CACNB4: variants seen among roughly 807,000 people sequenced by gnomAD.
The protein encoded by CACNB4 is calcium voltage-gated channel auxiliary subunit beta 4.
In CACNB4, 32 loss-of-function variants were observed where a neutral mutation model predicts 71.2. The ratio of observed to expected loss-of-function variants is 0.45; its 90% CI spans 0.34 to 0.60. The LOEUF (loss-of-function observed/expected upper bound fraction) is 0.60, where lower values mean the gene tolerates loss of function less well. Among genes scored for constraint, CACNB4 ranks in the 20% least tolerant of loss-of-function variants. The probability of loss-of-function intolerance (pLI) is 0.01; values close to 1 mark genes in which losing one functional copy is unlikely to be tolerated. For synonymous variants in CACNB4, 231 were observed against 236.9 expected (o/e 0.97, Z 0.23); for missense variants, 464 against 647.9 (o/e 0.72, Z 3.08).
Position 151,973,815 on chromosome 2 carries a change from C to T in CACNB4, c.148-90445G>A, listed in dbSNP as rs181922008. 8.3e-5 allele frequency: 126 copies of T among 1,525,086 alleles called. No individual in the cohort carries two copies. In the East Asian group the frequency reaches 2.6e-3, roughly 31 times the overall value. The allele number at this position is 1,525,086 out of a possible 1,614,324, so 94.5% of individuals were successfully genotyped here. A position where few individuals can be genotyped will look rare whatever the true frequency, so the allele number is the denominator to read the frequency against. On this transcript the variant is annotated intron_variant, in intron 2 of 13. Coordinates refer to ENST00000539935, the MANE Select transcript of CACNB4 (RefSeq NM_000726.5). ...AGAAAAGGCCTGTTTGGGAGAACTG[C>T]GCCTGCCTTATCAATTCCTGTGGAT... is the stretch of plus-strand genomic sequence containing the variant.
Position 152,098,579 on chromosome 2 carries a change from C to CCCCCCCCACCA in CACNB4, c.64-167_64-166insTGGTGGGGGGG. Reference sequence around the variant, plus strand: ...CCCAAATACAGCCCCCACCCCCACCCACCCACTGCAAGCCTCGACTGCTGA... The same window carrying CCCCCCCCACCA: ...CCCAAATACAGCCCCCACCCCCACCCCCCCCCCACCAACCCACTGCAAGCCTCGACTGCTGA... On this transcript the variant is annotated intron_variant, in intron 1 of 13. Coordinates refer to ENST00000539935, the MANE Select transcript of CACNB4 (RefSeq NM_000726.5). The surrounding 1 kb of genome is among the most constrained non-coding windows in gnomAD (Gnocchi z 5.3). 1.1e-6 allele frequency: 1 copy of CCCCCCCCACCA among 943,714 alleles called. No homozygotes were observed. The highest frequency in any genetic ancestry group is 1.7e-6 in the Non-Finnish European group (1 of 591,326). The allele number at this position is 943,714 out of a possible 1,614,324, so 58.5% of individuals were successfully genotyped here.
chr2:151,892,268 T>C (rs540880831), intron 2 of CACNB4, among the ~76,000 whole-genome samples: 10 of 152,122 alleles, frequency 6.6e-5, no homozygotes, highest in South Asian at 2.1e-4. Context: ...TACTTTTACA[T>C]TGTGGTCTGT....
At position 152,098,939 on chromosome 2, in the gene CACNB4, G is replaced by C; in HGVS notation, c.63+10C>G. ...GGAGGAAGAGGAGAAGGGGGAGGAG[G>C]GGGCGGTACCTGCGAGGTGGGGGAG... On this transcript the variant is annotated intron_variant, in intron 1 of 13. Transcript: ENST00000539935. The surrounding 1 kb of genome is among the most constrained non-coding windows in gnomAD (Gnocchi z 5.3). 11 of 1,470,328 alleles carry C rather than the reference G, an allele frequency of 7.5e-6. No homozygotes were observed. The highest frequency in any genetic ancestry group is 1.0e-5 in the Non-Finnish European group (11 of 1,098,676). 91.1% of individuals were successfully genotyped at this position (1,470,328 alleles called of 1,614,324 possible).
intron 2 of CACNB4, chr2:151,963,007 A>C (rs975648209): frequency 6.6e-6 from 1 of 152,136 alleles, no homozygotes; most frequent in African/African-American, 2.4e-5. Context: ...TCCTAAAAAG[A>C]ATATTGCTCT....
At chr2:151,958,003 A>G (rs1483464498) in intron 2 of CACNB4, among the ~76,000 whole-genome samples, 1 of 152,202 alleles carries the variant, frequency 6.6e-6, no homozygotes, top group Admixed American at 6.5e-5. Flanking sequence ...TTATTGTGGA[A>G]TGCTAACAGA....
intron 2 of CACNB4, among the ~76,000 whole-genome samples, chr2:152,086,646 T>G (rs544456061): frequency 1.3e-5 from 2 of 152,376 alleles, no homozygotes; most frequent in African/African-American, 4.8e-5. Flanking sequence ...CATTTTGAAT[T>G]GTAAGTACCC....
At chr2:152,002,103 T>A (rs1037575924) in intron 2 of CACNB4, among the ~76,000 whole-genome samples, 1 of 152,228 alleles carries the variant, frequency 6.6e-6, no homozygotes, top group Admixed American at 6.5e-5. Flanking sequence ...TGATCATGGA[T>A]ATGAACAGCA....
At chr2:152,097,226 G>A (rs557536296) in intron 2 of CACNB4, among the ~76,000 whole-genome samples, 1 of 152,062 alleles carries the variant, frequency 6.6e-6, no homozygotes, top group African/African-American at 2.4e-5. Flanking sequence ...TTTTAGGAGA[G>A]GTCTGAGTTC....
At chr2:152,011,259 A>G (rs1200375462) in intron 2 of CACNB4, among the ~76,000 whole-genome samples, 2 of 152,182 alleles carry the variant, frequency 1.3e-5, no homozygotes, top group Admixed American at 1.3e-4. Flanking sequence ...TATCTGGTAT[A>G]GAACCCTCCA....
intron 2 of CACNB4, chr2:151,962,933 A>G (rs544009601): frequency 1.3e-5 from 2 of 152,344 alleles, no homozygotes; most frequent in African/African-American, 4.8e-5. Context: ...CATACAAATT[A>G]TACGATTATA....
Position 152,098,335 on chromosome 2 carries a change from T to C in CACNB4, c.142A>G (p.Arg48Gly). The change falls in exon 2 of 14, where the codon AGA (arginine) becomes GGA (glycine). Residue 48 changes from arginine to glycine, a missense_variant. Coordinates refer to ENST00000539935, the MANE Select transcript of CACNB4 (RefSeq NM_000726.5). This position sits in a 1 kb window ranked among gnomAD's most constrained non-coding sequence, Gnocchi z 5.3. ...CTCCCGCCTCCTTCTCATACCTGTC[T>C]GAGGATGAAGCTGGTCGAAGTGGTG... Reference protein sequence around the residue: ...GSTTSTSFILRQGSADSYTSR... With the variant: ...GSTTSTSFILGQGSADSYTSR... The C allele has an allele frequency of 6.2e-7, 1 of 1,613,118 alleles. No homozygotes were observed.
At chr2:152,063,170 C>T (rs953155859) in intron 2 of CACNB4, among the ~76,000 whole-genome samples, 1 of 152,128 alleles carries the variant, frequency 6.6e-6, no homozygotes, top group African/African-American at 2.4e-5. Flanking sequence ...GTGAACTGTA[C>T]ATAGATGATT....
At chr2:151,858,048 T>C (rs888292662) in intron 10 of CACNB4, 2 of 152,260 alleles carry the variant, frequency 1.3e-5, no homozygotes, top group African/African-American at 4.8e-5. Flanking sequence ...CTGTGAGGCA[T>C]ATTTATCTAT....
At chr2:151,898,268 G>A (rs941964241) in intron 2 of CACNB4, among the ~76,000 whole-genome samples, 9 of 152,316 alleles carry the variant, frequency 5.9e-5, no homozygotes, top group African/African-American at 1.9e-4. Context: ...TCTGGGCTGC[G>A]TGGCTCTGAA....
chr2:151,939,825 G>A (rs2151628040), intron 2 of CACNB4, among the ~76,000 whole-genome samples: 1 of 152,116 alleles, frequency 6.6e-6, no homozygotes, highest in African/African-American at 2.4e-5. Flanking sequence ...GAAAGTTCTT[G>A]GGAAAGCAAA....
chr2:152,022,232 A>G (rs1027370980), intron 2 of CACNB4, among the ~76,000 whole-genome samples: 2 of 152,120 alleles, frequency 1.3e-5, no homozygotes, highest in Non-Finnish European at 2.9e-5. Flanking sequence ...TTTCACTCCT[A>G]CAAATAAGCC....
chr2:151,852,303 G>A (rs2099839278), intron 12 of CACNB4: 1 of 152,108 alleles, frequency 6.6e-6, no homozygotes, highest in Non-Finnish European at 1.5e-5. Context: ...TCTAATGAAA[G>A]GATGCATTAT....
intron 2 of CACNB4, among the ~76,000 whole-genome samples, chr2:152,022,160 C>T (rs1683707783): frequency 6.6e-6 from 1 of 152,200 alleles, no homozygotes; most frequent in Non-Finnish European, 1.5e-5. Context: ...TGCATCTCTC[C>T]CCTTCAACCA....
intron 2 of CACNB4, among the ~76,000 whole-genome samples, chr2:152,059,029 A>C (rs1394989396): frequency 6.6e-6 from 1 of 152,266 alleles, no homozygotes. Context: ...GTGGCTGTGC[A>C]GAAGACAGGA....
Sources: gnomAD v4.1 joint callset for allele counts (sites outside exome capture counted in the v4.1 genomes callset) on GRCh38, gnomAD v4.1.1 for gene constraint, Gnocchi (gnomAD v3.1) non-coding constraint, MANE v1.5 for transcripts, NCBI Gene and HGNC (gene_info 2026-07-23, HGNC 2026-07-21) for gene names.